THSD7B: variants seen among roughly 807,000 people sequenced by gnomAD.
THSD7B encodes the protein thrombospondin type-1 domain-containing protein 7B.
A neutral mutation model predicts 213.6 loss-of-function variants in THSD7B; 138 were observed. That is an observed-to-expected ratio of 0.65 (90% confidence interval 0.56 to 0.74). The LOEUF (loss-of-function observed/expected upper bound fraction) is 0.74. Among genes scored for constraint, THSD7B ranks in the 30% least tolerant of loss-of-function variants. THSD7B has a pLI of 0.00. For missense variants in THSD7B, 1,931 were observed against 1,991.5 expected, an observed-to-expected ratio of 0.97 and a Z score of 0.58; for synonymous variants, 742 against 687.0, an observed-to-expected ratio of 1.08 and a Z score of -1.25.
At chr2:137,384,672 TG>T (rs1685853290) in intron 12 of THSD7B, among the ~76,000 whole-genome samples, 1 of 152,186 alleles carries the variant, frequency 6.6e-6, no homozygotes, top group African/African-American at 2.4e-5. Flanking sequence ...GCATGGGCCC[TG>T]TCATCTTACA....
intron 15 of THSD7B, among the ~76,000 whole-genome samples, chr2:137,492,982 G>A (rs1022882872): frequency 2.0e-5 from 3 of 151,478 alleles, no homozygotes; most frequent in Non-Finnish European, 4.4e-5. Flanking sequence ...TTAGCCGGGC[G>A]TGGTGGTGGG....
chr2:137,395,500 C>T (rs976054158), intron 12 of THSD7B, among the ~76,000 whole-genome samples: 13 of 150,892 alleles, frequency 8.6e-5, no homozygotes, highest in South Asian at 2.1e-4. Flanking sequence ...GCCTTGCATC[C>T]CAGGGATGAA....
At chr2:136,953,495 G>C (rs540269152) in intron 2 of THSD7B, among the ~76,000 whole-genome samples, 1 of 152,276 alleles carries the variant, frequency 6.6e-6, no homozygotes, top group East Asian at 1.9e-4. Flanking sequence ...TTAAGGATAA[G>C]TATATCCTTT....
At chr2:136,833,351 G>A (rs13407428) in intron 1 of THSD7B, among the ~76,000 whole-genome samples, 9,233 of 101,182 alleles carry the variant, frequency 0.091, 548 homozygotes, top group Middle Eastern at 0.22. Flanking sequence ...GCGAAAGAGC[G>A]AGACTCCGTC....
intron 15 of THSD7B, among the ~76,000 whole-genome samples, chr2:137,454,909 A>C (rs948801715): frequency 6.6e-6 from 1 of 152,228 alleles, no homozygotes; most frequent in Non-Finnish European, 1.5e-5. Context: ...AGCTTTAAAA[A>C]AAAGTAACCA....
At chr2:137,007,753 T>C (rs1253824733) in intron 2 of THSD7B, among the ~76,000 whole-genome samples, 1 of 152,180 alleles carries the variant, frequency 6.6e-6, no homozygotes, top group Non-Finnish European at 1.5e-5. Flanking sequence ...AATGTTTCTA[T>C]AGAGATTATA....
intron 2 of THSD7B, among the ~76,000 whole-genome samples, chr2:136,920,157 T>A (rs1285455159): frequency 1.3e-5 from 2 of 152,234 alleles, no homozygotes; most frequent in African/African-American, 2.4e-5. Flanking sequence ...ATTCAGCAGG[T>A]TCCAAGTTCT....
intron 15 of THSD7B, among the ~76,000 whole-genome samples, chr2:137,486,597 T>C (rs13025561): frequency 0.41 from 59,528 of 146,170 alleles, 13,222 homozygotes; most frequent in East Asian, 0.62. Flanking sequence ...GACAGAAAGT[T>C]AACAAGGATA....
At chr2:136,961,044 G>C (rs1389358997) in intron 2 of THSD7B, among the ~76,000 whole-genome samples, 1 of 118,420 alleles carries the variant, frequency 8.4e-6, no homozygotes. Context: ...AGCCAAGACC[G>C]CGCCACTGCA....
chr2:137,619,810 T>G (rs1270201877), intron 19 of THSD7B, among the ~76,000 whole-genome samples: 1 of 152,276 alleles, frequency 6.6e-6, no homozygotes, highest in Non-Finnish European at 1.5e-5. Flanking sequence ...AGATGGATTA[T>G]AGGTCTCATT....
At chr2:137,582,960 T>C (rs1305992270) in intron 17 of THSD7B, among the ~76,000 whole-genome samples, 8 of 152,194 alleles carry the variant, frequency 5.3e-5, no homozygotes, top group East Asian at 1.9e-4. Flanking sequence ...CCACCAACAG[T>C]GTAAAAGTGT....
chr2:137,633,832 T>C (rs1682785249), intron 20 of THSD7B, among the ~76,000 whole-genome samples: 1 of 152,114 alleles, frequency 6.6e-6, no homozygotes, highest in Non-Finnish European at 1.5e-5. Flanking sequence ...TTGTATTCCC[T>C]TAATTAATTT....
chr2:137,390,059 G>A (rs1685984027), intron 12 of THSD7B, among the ~76,000 whole-genome samples: 1 of 151,984 alleles, frequency 6.6e-6, no homozygotes, highest in Non-Finnish European at 1.5e-5. Flanking sequence ...ACAAATTTTA[G>A]GATTACCCTT....
chr2:137,507,030 G>A (rs1679852165), intron 15 of THSD7B, among the ~76,000 whole-genome samples: 1 of 152,170 alleles, frequency 6.6e-6, no homozygotes, highest in South Asian at 2.1e-4. Context: ...CAGACTCCAG[G>A]TGCCTCAAGA....
chr2:137,320,126 C>T (rs1684229881), intron 12 of THSD7B, among the ~76,000 whole-genome samples: 1 of 152,066 alleles, frequency 6.6e-6, no homozygotes, highest in African/African-American at 2.4e-5. Flanking sequence ...GTGTTTAGGC[C>T]ACTATAATTG....
intron 2 of THSD7B, among the ~76,000 whole-genome samples, chr2:136,965,547 C>A (rs1377937698): frequency 6.6e-6 from 1 of 152,198 alleles, no homozygotes; most frequent in Non-Finnish European, 1.5e-5. Flanking sequence ...CTTCTACACA[C>A]TTTGCTTAAT....
intron 2 of THSD7B, among the ~76,000 whole-genome samples, chr2:136,928,511 G>A (rs1346914711): frequency 6.6e-6 from 1 of 152,204 alleles, no homozygotes; most frequent in Admixed American, 6.5e-5. Context: ...TTAATAAGAT[G>A]ATGTGACTGT....
At chr2:137,458,700 A>T (rs1553451683) in intron 15 of THSD7B, among the ~76,000 whole-genome samples, 1 of 152,180 alleles carries the variant, frequency 6.6e-6, no homozygotes, top group Non-Finnish European at 1.5e-5. Flanking sequence ...GGCAATACCA[A>T]TATAAAATTT....
At chr2:137,588,916 A>T (rs1478734910) in intron 17 of THSD7B, among the ~76,000 whole-genome samples, 1 of 151,880 alleles carries the variant, frequency 6.6e-6, no homozygotes, top group Non-Finnish European at 1.5e-5. Context: ...AGTAGGTGGG[A>T]TTACAGGTGC....
Sources: gnomAD v4.1 joint callset for allele counts (sites outside exome capture counted in the v4.1 genomes callset) on GRCh38, gnomAD v4.1.1 for gene constraint, MANE v1.5 for transcripts, NCBI Gene and HGNC (gene_info 2026-07-23, HGNC 2026-07-21) for gene names.